Variants in AGPAT5 observed in about 807,000 individuals in gnomAD.
The protein encoded by AGPAT5 is 1-acylglycerol-3-phosphate O-acyltransferase 5, also known as 1-acyl-sn-glycerol-3-phosphate acyltransferase epsilon.
AGPAT5 carries 46 observed loss-of-function variants against 45.6 expected under a neutral mutation model. The ratio of observed to expected loss-of-function variants is 1.01; its 90% confidence interval spans 0.80 to 1.29. The LOEUF (loss-of-function observed/expected upper bound fraction) is 1.29. Among genes scored for constraint, AGPAT5 ranks in the 50% most tolerant of loss-of-function variants. The pLI is 0.00. For synonymous variants in AGPAT5, 272 were observed against 167.0 expected, an observed-to-expected ratio of 1.63 and a Z score of -4.85; for missense variants, 673 against 450.7, an observed-to-expected ratio of 1.49 and a Z score of -4.47.
chr8:6,737,740 A>G (rs1379491472), intron 4 of AGPAT5, among the ~76,000 whole-genome samples: 5 of 152,228 alleles, frequency 3.3e-5, no homozygotes, highest in African/African-American at 4.8e-5. Flanking sequence ...TTCAGGTTTA[A>G]ATCCCAGATC....
At chr8:6,729,497 A>G (rs1800792871) in intron 2 of AGPAT5, among the ~76,000 whole-genome samples, 1 of 98,896 alleles carries the variant, frequency 1.0e-5, no homozygotes, top group African/African-American at 5.3e-5. Context: ...TATTAACTAG[A>G]GAAGTCTCCC....
At chr8:6,732,752 G>A in intron 4 of AGPAT5, 102 bp downstream of exon 4, 1 of 1,043,550 alleles carries the variant, frequency 9.6e-7, no homozygotes, top group South Asian at 1.8e-5. Context: ...ATTTTCCCAT[G>A]TGTAATTACT....
Position 6,760,340 on chromosome 8 carries a change from G to A in AGPAT5, c.*2952G>A, listed in dbSNP as rs1801992851. 6.6e-6 allele frequency among the ~76,000 whole-genome samples: 1 copy of A among 152,180 alleles called. No homozygotes were observed. On this transcript the variant is annotated 3_prime_UTR_variant, in exon 8 of 8. Coordinates refer to ENST00000285518, the MANE Select transcript of AGPAT5 (RefSeq NM_018361.5). ...TTCAGCCCAGGAGGTTGAGATTGCAGTGAGCCATGGACATACCACTGCACT... is the reference window on the plus strand; with the variant it reads ...TTCAGCCCAGGAGGTTGAGATTGCAATGAGCCATGGACATACCACTGCACT...
At chr8:6,715,739 CTG>C (rs1192364521) in intron 1 of AGPAT5, among the ~76,000 whole-genome samples, 3 of 152,150 alleles carry the variant, frequency 2.0e-5, no homozygotes, top group Admixed American at 6.5e-5. Context: ...TAGGATAACA[CTG>C]AAATTAGAGA....
intron 1 of AGPAT5, among the ~76,000 whole-genome samples, chr8:6,722,885 A>G (rs1800554146): frequency 6.6e-6 from 1 of 152,210 alleles, no homozygotes; most frequent in African/African-American, 2.4e-5. Context: ...ATGAACCTGA[A>G]ATTATCATGA....
chr8:6,713,215 C>A (rs1041235465), intron 1 of AGPAT5, among the ~76,000 whole-genome samples: 1 of 152,246 alleles, frequency 6.6e-6, no homozygotes, highest in African/African-American at 2.4e-5. Context: ...GGTGATCCTT[C>A]TGCCTTGGCC....
chr8:6,719,821 G>T (rs1401525897), intron 1 of AGPAT5, among the ~76,000 whole-genome samples: 2 of 152,164 alleles, frequency 1.3e-5, no homozygotes, highest in African/African-American at 2.4e-5. Context: ...TGATAATCAT[G>T]TTCTAATCCG....
rs61686487 is a variant in AGPAT5 at position 6,746,030 on chromosome 8, C to CTT, written c.587-1639_587-1638insTT. Reference sequence around the variant, plus strand: ...CCCTTTCTTCCTTCCCTCACTCGTTCTCTCTTGCTTGCTTGCTTTCTCTCC... The same window carrying CTT: ...CCCTTTCTTCCTTCCCTCACTCGTTCTTTCTCTTGCTTGCTTGCTTTCTCTCC... On this transcript the variant is annotated intron_variant, in intron 5 of 7. Transcript: ENST00000285518. 1.4e-3 allele frequency: 206 copies of CTT among 150,556 alleles called. 1 individual carries two copies. The highest frequency in any genetic ancestry group is 5.0e-3 in the African/African-American group (202 of 40,272). 9.3% of individuals were successfully genotyped at this position (150,556 alleles called of 1,614,324 possible).
At position 6,755,093 on chromosome 8, in the gene AGPAT5, A is replaced by G. The variant is rs547705041; in HGVS notation, c.788A>G (p.Asp263Gly). The G allele has an allele frequency of 1.9e-6, 3 of 1,605,788 alleles. No homozygotes were observed. The South Asian group carries it at 3.4e-5, about 18-fold the overall frequency. Residue 263 changes from aspartate to glycine, a missense_variant, in exon 7 of 8, where the codon GAT becomes GGT. Coordinates refer to ENST00000285518, the MANE Select transcript of AGPAT5 (RefSeq NM_018361.5). ...KECPKIHIHI[D>G]RIDKKDVPEE... ...TGTCCAAAAATTCATATTCACATTG[A>G]TCGTATCGACAAAAAAGATGTCCCA...
intron 6 of AGPAT5, among the ~76,000 whole-genome samples, chr8:6,751,425 A>C (rs904409395): frequency 2.6e-5 from 4 of 152,068 alleles, no homozygotes; most frequent in African/African-American, 4.8e-5. Flanking sequence ...CCTCTGCTCC[A>C]CTCCACGTTG....
chr8:6,730,764 G>T lies in AGPAT5; in HGVS notation c.343G>T (p.Val115Leu). The change falls in exon 3 of 8, where the codon GTG (valine) becomes TTG (leucine). Residue 115 changes from valine to leucine, a missense_variant. Val to Leu is a conservative substitution (Grantham distance 32, BLOSUM62 1). Coordinates refer to ENST00000285518, the MANE Select transcript of AGPAT5 (RefSeq NM_018361.5). ...CATCAGGCAGAATGCGCTAGGACAT[G>T]TGCGCTACGTGCTGAAAGAAGGGTT... Reference protein sequence around the residue: ...LAIRQNALGHVRYVLKEGLKW... With the variant: ...LAIRQNALGHLRYVLKEGLKW... The T allele has an allele frequency of 6.2e-7, 1 of 1,613,640 alleles. No homozygotes were observed. Among genetic ancestry groups the T allele is most frequent in the Non-Finnish European group, 8.5e-7 (1 of 1,179,676 alleles).
chr8:6,748,071 T>G (rs927879525), intron 6 of AGPAT5, among the ~76,000 whole-genome samples: 1 of 152,068 alleles, frequency 6.6e-6, no homozygotes, highest in African/African-American at 2.4e-5. Context: ...TCCAGCCTCT[T>G]TCTACTCAAA....
chr8:6,708,878 C>G lies in AGPAT5; in HGVS notation c.210C>G (p.Thr70=), dbSNP rs367932714. 6.2e-7 allele frequency: 1 copy of G among 1,604,784 alleles called. No individual in the cohort carries two copies. Among genetic ancestry groups the G allele is most frequent in the Non-Finnish European group, 8.5e-7 (1 of 1,176,374 alleles). The part of the protein sequence containing the change: ...SMVLFFFENY[T]GVQILLYGDL... ...TGCTCTTCTTCTTCGAGAATTACACCGGGGTCCAGGTGAGCCGCCTCCCGC... is the reference window on the plus strand; with the variant it reads ...TGCTCTTCTTCTTCGAGAATTACACGGGGGTCCAGGTGAGCCGCCTCCCGC... The change falls in exon 1 of 8, where the codon ACC becomes ACG. Residue 70 remains threonine, a synonymous_variant. Coordinates refer to ENST00000285518, the MANE Select transcript of AGPAT5 (RefSeq NM_018361.5).
intron 5 of AGPAT5, 126 bp downstream of exon 5, chr8:6,741,877 G>A: frequency 1.5e-6 from 1 of 672,880 alleles, no homozygotes; most frequent in Non-Finnish European, 2.5e-6. Context: ...CCTTGAATTA[G>A]TGTACATATT....
In AGPAT5 at chr8:6,760,746, A is replaced by G. The variant is rs114465402; in HGVS notation, c.*3358A>G. On this transcript the variant is annotated 3_prime_UTR_variant, in exon 8 of 8. Coordinates refer to ENST00000285518, the MANE Select transcript of AGPAT5 (RefSeq NM_018361.5). ...TACGAGTAACTCACACTTTTTGATT[A>G]AAGAACTTGAAATTACGTTATCACT... is the stretch of plus-strand genomic sequence containing the variant. Among the ~76,000 whole-genome samples, 96 of 152,328 alleles carry G rather than the reference A, an allele frequency of 6.3e-4. 1 individual carries two copies. The highest frequency in any genetic ancestry group is 2.3e-3 in the African/African-American group (94 of 41,584).
chr8:6,709,703 C>A (rs1800081452), intron 1 of AGPAT5, among the ~76,000 whole-genome samples: 1 of 151,970 alleles, frequency 6.6e-6, no homozygotes, highest in South Asian at 2.1e-4. Flanking sequence ...GGGACGGTAT[C>A]ATTTTGTCTT....
intron 4 of AGPAT5, among the ~76,000 whole-genome samples, chr8:6,741,342 C>G (rs113676869): frequency 6.6e-6 from 1 of 152,028 alleles, no homozygotes; most frequent in African/African-American, 2.4e-5. Flanking sequence ...CTCATTGAGG[C>G]TTTGTATGAG....
intron 2 of AGPAT5, among the ~76,000 whole-genome samples, chr8:6,727,248 C>T (rs1205285100): frequency 6.6e-6 from 1 of 152,180 alleles, no homozygotes; most frequent in Non-Finnish European, 1.5e-5. Context: ...TCTCTCTTCC[C>T]TTGTTTTCGC....
In AGPAT5 at chr8:6,759,762, A is replaced by G. The variant is rs974858255; in HGVS notation, c.*2374A>G. On this transcript the variant is annotated 3_prime_UTR_variant, in exon 8 of 8. Transcript: ENST00000285518. ...TGACTGGCCCTGCATTCTTCACAAT[A>G]TTTTTCCCTAAGCTTTGAGCAAAGT... 6.6e-6 allele frequency: 1 copy of G among 152,118 alleles called. No individual in the cohort carries two copies. Among genetic ancestry groups the G allele is most frequent in the Non-Finnish European group, 1.5e-5 (1 of 68,030 alleles). 9.4% of individuals were successfully genotyped at this position (152,118 alleles called of 1,614,324 possible). A position where few individuals can be genotyped will look rare whatever the true frequency, so the allele number is the denominator to read the frequency against.
Sources: gnomAD v4.1 joint callset for allele counts (sites outside exome capture counted in the v4.1 genomes callset) on GRCh38, gnomAD v4.1.1 for gene constraint, MANE v1.5 for transcripts, NCBI Gene and HGNC (gene_info 2026-07-23, HGNC 2026-07-21) for gene names.